Variants in EPHA6 observed in about 807,000 individuals in gnomAD.
EPHA6 encodes the protein EPH receptor A6.
A neutral mutation model predicts 112.0 loss-of-function variants in EPHA6; 50 were observed. That is an observed-to-expected ratio of 0.45 (90% CI 0.36 to 0.56). EPHA6 has a LOEUF of 0.56. EPHA6 is among the 20% of genes least tolerant of loss of function. The pLI, the probability that EPHA6 is intolerant of heterozygous loss-of-function variation, is 0.00. For missense variants in EPHA6, 1,280 were observed against 1,417.4 expected, an observed-to-expected ratio of 0.90 and a Z score of 1.56; for synonymous variants, 529 against 490.7, an observed-to-expected ratio of 1.08 and a Z score of -1.03.
chr3:97,396,162 T>A (rs2086681702), intron 5 of EPHA6, among the ~76,000 whole-genome samples: 1 of 151,560 alleles, frequency 6.6e-6, no homozygotes, highest in Non-Finnish European at 1.5e-5. Flanking sequence ...ATACTAAGAT[T>A]CTATTTTGTA....
chr3:97,655,660 G>A (rs1216496798), intron 14 of EPHA6, among the ~76,000 whole-genome samples: 8 of 149,092 alleles, frequency 5.4e-5, no homozygotes, highest in Non-Finnish European at 7.4e-5. Context: ...GGATGGCTGG[G>A]TCAAATGGTA....
chr3:96,913,022 C>A (rs566039357), intron 2 of EPHA6, among the ~76,000 whole-genome samples: 1 of 152,038 alleles, frequency 6.6e-6, no homozygotes, highest in Non-Finnish European at 1.5e-5. Context: ...TTAGAAGAGT[C>A]TCCATTAAAG....
At position 97,324,472 on chromosome 3, in the gene EPHA6, T is replaced by TC. The variant is rs67573067; in HGVS notation, c.1606+80185_1606+80186insC. Among the ~76,000 whole-genome samples, 69 of 130,086 alleles carry TC rather than the reference T, an allele frequency of 5.3e-4. 2 individuals are homozygous for TC. Among genetic ancestry groups the TC allele is most frequent in the African/African-American group, 1.3e-3 (47 of 35,332 alleles). 85.3% of individuals were successfully genotyped at this position (130,086 alleles called of 152,430 possible). A position where few individuals can be genotyped will look rare whatever the true frequency, so the allele number is the denominator to read the frequency against. On this transcript the variant is annotated intron_variant, in intron 5 of 17. Transcript: ENST00000389672. ...TTCTTTCTTTCTTTCTTTCTTTCTTTTTCTTTCGTCTCTTTCTCTTTCTTT... is the reference window on the plus strand; with the variant it reads ...TTCTTTCTTTCTTTCTTTCTTTCTTTCTTCTTTCGTCTCTTTCTCTTTCTTT...
At chr3:97,470,697 C>T (rs188156125) in intron 7 of EPHA6, among the ~76,000 whole-genome samples, 2 of 151,498 alleles carry the variant, frequency 1.3e-5, no homozygotes, top group African/African-American at 4.8e-5. Flanking sequence ...AAACAAACCA[C>T]ACTTAATAAT....
intron 3 of EPHA6, among the ~76,000 whole-genome samples, chr3:97,185,590 C>G (rs961132929): frequency 6.6e-6 from 1 of 151,894 alleles, no homozygotes; most frequent in Non-Finnish European, 1.5e-5. Flanking sequence ...TGTGGAGAAA[C>G]AGGAACACTT....
chr3:97,706,244 C>G (rs1029698973), intron 14 of EPHA6, among the ~76,000 whole-genome samples: 1 of 152,058 alleles, frequency 6.6e-6, no homozygotes. Flanking sequence ...TCCCTGTCAT[C>G]CTTTTATTTT....
intron 6 of EPHA6, among the ~76,000 whole-genome samples, chr3:97,430,905 T>G (rs895464164): frequency 1.3e-5 from 2 of 152,106 alleles, no homozygotes; most frequent in South Asian, 2.1e-4. Flanking sequence ...AAAACATTTG[T>G]GTTGCTACAG....
At chr3:97,511,040 C>T (rs965958389) in intron 10 of EPHA6, among the ~76,000 whole-genome samples, 2 of 152,156 alleles carry the variant, frequency 1.3e-5, no homozygotes, top group Admixed American at 6.5e-5. Flanking sequence ...CCCCTCCCCC[C>T]CACCAAGCTG....
chr3:97,515,446 A>AT (rs953881828), intron 10 of EPHA6, among the ~76,000 whole-genome samples: 4 of 152,118 alleles, frequency 2.6e-5, no homozygotes, highest in East Asian at 1.9e-4. Context: ...GGTCACAAAA[A>AT]TTTTTTTTAT....
At chr3:97,337,613 A>G (rs1467564606) in intron 5 of EPHA6, among the ~76,000 whole-genome samples, 1 of 152,162 alleles carries the variant, frequency 6.6e-6, no homozygotes, top group Non-Finnish European at 1.5e-5. Flanking sequence ...TTCATCCAAC[A>G]TTTGTGCTAT....
intron 14 of EPHA6, among the ~76,000 whole-genome samples, chr3:97,656,406 T>G (rs1002252890): frequency 1.3e-5 from 2 of 151,870 alleles, no homozygotes; most frequent in Non-Finnish European, 2.9e-5. Context: ...TATTCCTCAG[T>G]GTCACCATAG....
rs151085432 is a variant in EPHA6 at position 97,229,073 on chromosome 3, G to T, written c.1270+2654G>T. Among the ~76,000 whole-genome samples, 895 of 151,670 alleles carry T rather than the reference G, an allele frequency of 5.9e-3. 4 individuals carry two copies. Among genetic ancestry groups the T allele is most frequent in the African/African-American group, 0.012 (500 of 41,364 alleles). Reference sequence around the variant, plus strand: ...GCCAACTTTTTGATGGGATTATTTGGTTTTTTTTCTTGCTGATTTGTTTGA... The same window carrying T: ...GCCAACTTTTTGATGGGATTATTTGTTTTTTTTTCTTGCTGATTTGTTTGA... On this transcript the variant is annotated intron_variant, in intron 4 of 17. Transcript: ENST00000389672.
intron 11 of EPHA6, among the ~76,000 whole-genome samples, chr3:97,580,271 A>G (rs2093425271): frequency 6.6e-6 from 1 of 152,230 alleles, no homozygotes; most frequent in Non-Finnish European, 1.5e-5. Context: ...CTAAGAAGCT[A>G]TAATCATTCA....
At chr3:97,017,225 C>T (rs74996622) in intron 3 of EPHA6, among the ~76,000 whole-genome samples, 2,683 of 152,248 alleles carry the variant, frequency 0.018, 67 homozygotes, top group African/African-American at 0.05. Context: ...ATAGTCCTGA[C>T]TTACTGATGG....
chr3:97,662,021 A>AT (rs1159360928), intron 14 of EPHA6, among the ~76,000 whole-genome samples: 14 of 152,238 alleles, frequency 9.2e-5, no homozygotes, highest in African/African-American at 3.1e-4. Flanking sequence ...TTTATGTATG[A>AT]TTTTGGCCAC....
intron 2 of EPHA6, among the ~76,000 whole-genome samples, chr3:96,967,470 T>C (rs2042166134): frequency 6.6e-6 from 1 of 151,860 alleles, no homozygotes; most frequent in Admixed American, 6.6e-5. Context: ...GCCACAATTA[T>C]TTTTCAAACT....
chr3:97,198,653 A>G (rs2077502184), intron 3 of EPHA6, among the ~76,000 whole-genome samples: 1 of 152,176 alleles, frequency 6.6e-6, no homozygotes, highest in African/African-American at 2.4e-5. Context: ...AAACCTAAGT[A>G]TACATAGTGA....
intron 3 of EPHA6, among the ~76,000 whole-genome samples, chr3:97,193,541 G>T (rs904320186): frequency 6.6e-6 from 1 of 151,844 alleles, no homozygotes; most frequent in Non-Finnish European, 1.5e-5. Flanking sequence ...TTTTTGGTGA[G>T]TCCTTAAGTT....
At chr3:96,929,957 T>C (rs2040228552) in intron 2 of EPHA6, among the ~76,000 whole-genome samples, 1 of 152,214 alleles carries the variant, frequency 6.6e-6, no homozygotes, top group African/African-American at 2.4e-5. Flanking sequence ...GCTTCTCTTA[T>C]TTTAGAAAGA....
Sources: allele counts gnomAD v4.1 joint callset (sites outside exome capture counted in the v4.1 genomes callset), GRCh38; gene constraint gnomAD v4.1.1; transcripts MANE v1.5; gene names NCBI Gene and HGNC (gene_info 2026-07-23, HGNC 2026-07-21).